RANBP17: variants seen among roughly 807,000 people sequenced by gnomAD.
The protein encoded by RANBP17 is ran-binding protein 17.
RANBP17 carries 158 observed loss-of-function variants against 141.2 expected under a neutral mutation model. The ratio of observed to expected loss-of-function variants is 1.12; its 90% CI spans 0.98 to 1.28. The LOEUF (loss-of-function observed/expected upper bound fraction) is 1.28, where lower values mean the gene tolerates loss of function less well. Among genes scored for constraint, RANBP17 ranks in the 50% most tolerant of loss-of-function variants. The pLI, the probability that RANBP17 is intolerant of heterozygous loss-of-function variation, is 0.00. For missense variants in RANBP17, 1,438 were observed against 1,290.7 expected, an observed-to-expected ratio of 1.11 and a Z score of -1.75; for synonymous variants, 430 against 450.0, an observed-to-expected ratio of 0.96 and a Z score of 0.56.
chr5:170,988,095 T>C (rs534380974), intron 14 of RANBP17, among the ~76,000 whole-genome samples: 3 of 151,820 alleles, frequency 2.0e-5, no homozygotes, highest in East Asian at 3.9e-4. Flanking sequence ...TAATAAAATA[T>C]ATGCTTACCC....
intron 14 of RANBP17, among the ~76,000 whole-genome samples, chr5:170,976,833 C>A (rs1346174490): frequency 6.6e-6 from 1 of 152,070 alleles, no homozygotes; most frequent in Non-Finnish European, 1.5e-5. Context: ...AGTTAGTCCT[C>A]TCTCTCACAC....
chr5:171,270,059 A>G (rs1581157505), intron 25 of RANBP17, among the ~76,000 whole-genome samples: 1 of 152,182 alleles, frequency 6.6e-6, no homozygotes, highest in East Asian at 1.9e-4. Flanking sequence ...TATCTCCTCA[A>G]GCTTCCGTAG....
intron 14 of RANBP17, among the ~76,000 whole-genome samples, chr5:171,073,228 T>C (rs1448825102): frequency 6.6e-6 from 1 of 151,990 alleles, no homozygotes; most frequent in Non-Finnish European, 1.5e-5. Flanking sequence ...CTGATGAATC[T>C]AACTATATTA....
At chr5:171,050,643 C>G (rs1352531381) in intron 14 of RANBP17, among the ~76,000 whole-genome samples, 1 of 152,006 alleles carries the variant, frequency 6.6e-6, no homozygotes, top group Non-Finnish European at 1.5e-5. Flanking sequence ...GGAGTGAGAT[C>G]GTGCCACTGC....
At chr5:170,950,836 C>T (rs889104999) in intron 12 of RANBP17, among the ~76,000 whole-genome samples, 3 of 152,008 alleles carry the variant, frequency 2.0e-5, no homozygotes, top group African/African-American at 7.3e-5. Context: ...ACCTACATTC[C>T]CGTTGATGGA....
chr5:171,219,916 G>T (rs577800811), intron 21 of RANBP17, among the ~76,000 whole-genome samples: 1 of 151,822 alleles, frequency 6.6e-6, no homozygotes, highest in Non-Finnish European at 1.5e-5. Context: ...CTCATTCTCC[G>T]TCCAGTTTTG....
chr5:171,053,237 C>T (rs1022366318), intron 14 of RANBP17, among the ~76,000 whole-genome samples: 21 of 151,862 alleles, frequency 1.4e-4, no homozygotes, highest in Admixed American at 7.2e-4. Flanking sequence ...TCAGGTAGTA[C>T]ATGTGCAGAT....
chr5:171,079,146 CTG>C (rs770180897), intron 14 of RANBP17, among the ~76,000 whole-genome samples: 11 of 152,116 alleles, frequency 7.2e-5, no homozygotes, highest in Non-Finnish European at 1.5e-4. Context: ...ATGGATGACT[CTG>C]AGGGGTTCAA....
chr5:170,967,736 T>C (rs997576054), intron 13 of RANBP17, among the ~76,000 whole-genome samples: 2 of 151,696 alleles, frequency 1.3e-5, no homozygotes, highest in Admixed American at 6.6e-5. Flanking sequence ...AATTTTATTA[T>C]TCATTAAGGG....
At chr5:171,213,329 T>C (rs1356577360) in intron 20 of RANBP17, among the ~76,000 whole-genome samples, 1 of 152,198 alleles carries the variant, frequency 6.6e-6, no homozygotes, top group Non-Finnish European at 1.5e-5. Flanking sequence ...AATGTACTGC[T>C]TATATGATAC....
intron 5 of RANBP17, among the ~76,000 whole-genome samples, chr5:170,903,236 G>A (rs1384505606): frequency 1.3e-5 from 2 of 152,224 alleles, no homozygotes; most frequent in African/African-American, 4.8e-5. Context: ...TGGCTACCGT[G>A]GTGGGCTCCG....
At chr5:170,919,916 A>T (rs1361453055) in intron 11 of RANBP17, among the ~76,000 whole-genome samples, 1 of 152,016 alleles carries the variant, frequency 6.6e-6, no homozygotes, top group Non-Finnish European at 1.5e-5. Flanking sequence ...AAATGAAATT[A>T]TACAGTATGC....
At chr5:171,058,212 C>T (rs1783540852) in intron 14 of RANBP17, among the ~76,000 whole-genome samples, 1 of 151,478 alleles carries the variant, frequency 6.6e-6, no homozygotes, top group Non-Finnish European at 1.5e-5. Context: ...GCACAATTTG[C>T]AGGTTAGTTA....
chr5:171,286,884 G>A (rs1467325687), intron 25 of RANBP17, among the ~76,000 whole-genome samples: 1 of 152,208 alleles, frequency 6.6e-6, no homozygotes, highest in African/African-American at 2.4e-5. Context: ...GTGGAGATGG[G>A]TAGGTTTCTC....
At chr5:171,035,304 T>A (rs1230294762) in intron 14 of RANBP17, among the ~76,000 whole-genome samples, 1 of 152,104 alleles carries the variant, frequency 6.6e-6, no homozygotes, top group African/African-American at 2.4e-5. Flanking sequence ...GCTCAGCAGA[T>A]AAAGGGGGAA....
intron 14 of RANBP17, among the ~76,000 whole-genome samples, chr5:171,058,027 T>G (rs182962073): frequency 6.6e-6 from 1 of 152,152 alleles, no homozygotes; most frequent in African/African-American, 2.4e-5. Flanking sequence ...GATTTCTAGC[T>G]TGAGATTTGG....
intron 14 of RANBP17, among the ~76,000 whole-genome samples, chr5:171,117,201 C>T (rs1755697613): frequency 6.6e-6 from 1 of 152,012 alleles, no homozygotes; most frequent in South Asian, 2.1e-4. Flanking sequence ...AGTAATAGGA[C>T]TGTCAAATCA....
chr5:171,205,378 CTG>C (rs1341817194), intron 19 of RANBP17, 144 bp from the exon 20 acceptor site: 5 of 636,414 alleles, frequency 7.9e-6, no homozygotes, highest in Middle Eastern at 4.2e-4. Context: ...TTTAAAGAGT[CTG>C]TGCTTTTCTG....
chr5:171,059,114 G>T (rs1305629059), intron 14 of RANBP17, among the ~76,000 whole-genome samples: 2 of 150,810 alleles, frequency 1.3e-5, no homozygotes, highest in South Asian at 2.1e-4. Flanking sequence ...TTTGTAGGTT[G>T]CCTGTTCACT....
Sources: allele counts gnomAD v4.1 joint callset (sites outside exome capture counted in the v4.1 genomes callset), GRCh38; gene constraint gnomAD v4.1.1; transcripts MANE v1.5; gene names NCBI Gene and HGNC (gene_info 2026-07-23, HGNC 2026-07-21).